Variants in NUP210 observed in about 807,000 individuals in gnomAD.
NUP210 encodes the protein nucleoporin 210.
A neutral mutation model predicts 196.0 loss-of-function variants in NUP210; 151 were observed. The ratio of observed to expected loss-of-function variants is 0.77; its 90% CI spans 0.67 to 0.88. NUP210 has a LOEUF of 0.88. NUP210 is among the 40% of genes least tolerant of loss of function. NUP210 has a pLI of 0.00. For missense variants in NUP210, 2,314 were observed against 2,493.7 expected, an observed-to-expected ratio of 0.93 and a Z score of 1.53; for synonymous variants, 1,070 against 1,052.7, an observed-to-expected ratio of 1.02 and a Z score of -0.32.
intron 14 of NUP210, among the ~76,000 whole-genome samples, chr3:13,361,773 G>A (rs546910869): frequency 3.3e-5 from 5 of 152,200 alleles, no homozygotes; most frequent in Admixed American, 6.5e-5. Flanking sequence ...ACGCACCCAC[G>A]GCCCTTGGAA....
At chr3:13,378,531 C>A (rs1215695196) in intron 8 of NUP210, among the ~76,000 whole-genome samples, 1 of 152,232 alleles carries the variant, frequency 6.6e-6, no homozygotes, top group Admixed American at 6.5e-5. Context: ...TGCTAAGGTA[C>A]CTGCCTACTG....
At chr3:13,346,375 C>T (rs1468781415) in intron 20 of NUP210, among the ~76,000 whole-genome samples, 7 of 152,234 alleles carry the variant, frequency 4.6e-5, no homozygotes, top group Non-Finnish European at 7.3e-5. Flanking sequence ...CTGGACACAC[C>T]TGCTTCCTGA....
intron 1 of NUP210, among the ~76,000 whole-genome samples, chr3:13,402,324 G>C (rs148112272): frequency 5.3e-5 from 8 of 152,072 alleles, no homozygotes; most frequent in Non-Finnish European, 1.0e-4. Flanking sequence ...TGTATCATTC[G>C]ATGGCCCCTG....
At chr3:13,397,602 C>T (rs1415969288) in intron 2 of NUP210, 114 bp from the exon 3 acceptor site, 5 of 1,156,614 alleles carry the variant, frequency 4.3e-6, no homozygotes, top group Non-Finnish European at 5.8e-6. Context: ...CCAGCTTCAC[C>T]CTCAGAAGCC....
Position 13,377,543 on chromosome 3 carries a change from A to T in NUP210, c.1065T>A (p.Gly355=), listed in dbSNP as rs1480181956. 1.2e-6 allele frequency: 2 copies of T among 1,613,512 alleles called. No individual in the cohort carries two copies. Among genetic ancestry groups the T allele is most frequent in the Admixed American group, 3.3e-5 (2 of 59,982 alleles). The stretch of plus-strand genomic sequence containing the variant: ...GGCCGGTCTCCAGCACCCACCTGTC[A>T]CCAGGGTGAACAGTGAACCCTAAAA... The part of the protein sequence containing the change: ...PGYLGFTVHP[G]DRWVLETGRL... Residue 355 remains glycine, a synonymous_variant, in exon 9 of 40, where the codon GGT becomes GGA. Coordinates refer to ENST00000254508, the MANE Select transcript of NUP210 (RefSeq NM_024923.4).
intron 15 of NUP210, 146 bp downstream of exon 15, chr3:13,360,124 G>T: frequency 1.5e-6 from 1 of 687,322 alleles, no homozygotes; most frequent in Non-Finnish European, 2.4e-6. Flanking sequence ...ACCTCACCAC[G>T]CCTCAGTTTG....
Position 13,340,141 on chromosome 3 carries a change from C to G in NUP210, c.3291+95G>C. 6.2e-7 allele frequency: 1 copy of G among 1,602,356 alleles called. No homozygotes were observed. The highest frequency in any genetic ancestry group is 8.5e-7 in the Non-Finnish European group (1 of 1,172,010). On this transcript the variant is annotated intron_variant, in intron 24 of 39. Coordinates refer to ENST00000254508, the MANE Select transcript of NUP210 (RefSeq NM_024923.4). The surrounding 1 kb of genome is among the most constrained non-coding windows in gnomAD (Gnocchi z 4.0). Reference sequence around the variant, plus strand: ...GTGCAGGCAGCTTCTGCCTTCTTCTCCCAGTCACTGCACGCAGGGCCAGAG... The same window carrying G: ...GTGCAGGCAGCTTCTGCCTTCTTCTGCCAGTCACTGCACGCAGGGCCAGAG...
chr3:13,319,966 G>T lies in NUP210; in HGVS notation c.5180C>A (p.Ser1727Tyr). 6.2e-6 allele frequency: 10 copies of T among 1,613,778 alleles called. No homozygotes were observed. The highest frequency in any genetic ancestry group is 7.6e-6 in the Non-Finnish European group (9 of 1,180,024). Reference sequence around the variant, plus strand: ...CTTTGCGAATGCCAGCACGGCCGGGGACCCGGATTTCACCTGGAAGAGACA... The same window carrying T: ...CTTTGCGAATGCCAGCACGGCCGGGTACCCGGATTTCACCTGGAAGAGACA... Reference protein sequence around the residue: ...VLENLEVKSGSPAVLAFAKEK... With the variant: ...VLENLEVKSGYPAVLAFAKEK... Residue 1727 changes from serine to tyrosine, a missense_variant, in exon 37 of 40, where the codon TCC becomes TAC. Physicochemically the swap from Ser to Tyr is moderately radical, Grantham distance 144. Transcript: ENST00000254508.
At chr3:13,412,730 G>A (rs1481680134) in intron 1 of NUP210, among the ~76,000 whole-genome samples, 6 of 151,352 alleles carry the variant, frequency 4.0e-5, no homozygotes, top group African/African-American at 9.7e-5. Context: ...AAAAAAAAAA[G>A]GGAGGCTGAG....
chr3:13,374,307 C>T (rs754015173), intron 11 of NUP210, among the ~76,000 whole-genome samples: 1 of 152,230 alleles, frequency 6.6e-6, no homozygotes, highest in African/African-American at 2.4e-5. Context: ...CCTACTCCCA[C>T]CAGCTTATCC....
chr3:13,341,348 G>A (rs575569506), intron 23 of NUP210, among the ~76,000 whole-genome samples: 4 of 152,276 alleles, frequency 2.6e-5, no homozygotes, highest in Non-Finnish European at 4.4e-5. Flanking sequence ...CACTGCCCTC[G>A]AAGTGCCTGT....
chr3:13,317,621 T>C lies in NUP210; in HGVS notation c.*60A>G. The C allele has an allele frequency of 8.0e-7, 1 of 1,245,046 alleles. No individual in the cohort carries two copies. Among genetic ancestry groups the C allele is most frequent in the African/African-American group, 1.5e-5 (1 of 67,408 alleles). 77.1% of individuals were successfully genotyped at this position (1,245,046 alleles called of 1,614,324 possible). On this transcript the variant is annotated 3_prime_UTR_variant, in exon 40 of 40. Coordinates refer to ENST00000254508, the MANE Select transcript of NUP210 (RefSeq NM_024923.4). The stretch of plus-strand genomic sequence containing the variant: ...TCCAGTGTGAATGCAGCAGGGATGT[T>C]CCATCTTGGGGGTGCACGAGGCTCG...
intron 14 of NUP210, among the ~76,000 whole-genome samples, 180 bp downstream of exon 14, chr3:13,365,766 G>A (rs1382219263): frequency 1.3e-5 from 2 of 152,254 alleles, no homozygotes; most frequent in Admixed American, 1.3e-4. Context: ...CCCCATCAGG[G>A]AGGCTCTGCT....
Position 13,336,805 on chromosome 3 carries a change from G to A in NUP210, c.3666C>T (p.Leu1222=). The change falls in exon 27 of 40, where the codon CTC becomes CTT. Residue 1222 remains leucine, a synonymous_variant. Coordinates refer to ENST00000254508, the MANE Select transcript of NUP210 (RefSeq NM_024923.4). Reference sequence around the variant, plus strand: ...TACCTACCTCGTGGTGCCGCCCTCGGAGGTCCAGGACGTCCCGCTTGGTGA... The same window carrying A: ...TACCTACCTCGTGGTGCCGCCCTCGAAGGTCCAGGACGTCCCGCTTGGTGA... ...WSVTKRDVLD[L]RGRHHEASIR... is the part of the protein sequence containing the mutation. 2 of 1,613,584 alleles carry A rather than the reference G, an allele frequency of 1.2e-6. No individual in the cohort carries two copies. The highest frequency in any genetic ancestry group is 1.7e-6 in the Non-Finnish European group (2 of 1,179,744).
At chr3:13,380,137 G>T (rs17038115) in intron 6 of NUP210, among the ~76,000 whole-genome samples, 5,165 of 152,216 alleles carry the variant, frequency 0.034, 123 homozygotes, top group Middle Eastern at 0.075. Context: ...CTCCCATGGG[G>T]TCTATAATTG....
At chr3:13,419,930 C>T (rs6782979) in intron 1 of NUP210, 130 bp downstream of exon 1, 74,218 of 454,858 alleles carry the variant, frequency 0.16, 9,226 homozygotes, top group African/African-American at 0.49. Context: ...CCGAGTGCTG[C>T]AGCCTAGCGC....
Position 13,360,135 on chromosome 3 carries a change from C to A in NUP210, c.2154+135G>T. 1.2e-5 allele frequency: 9 copies of A among 757,902 alleles called. No individual in the cohort carries two copies. The South Asian group carries it at 1.6e-4, about 14-fold the overall frequency. 46.9% of individuals were successfully genotyped at this position (757,902 alleles called of 1,614,324 possible). A position where few individuals can be genotyped will look rare whatever the true frequency, so the allele number is the denominator to read the frequency against. ...TTCCACCTCACCACGCCTCAGTTTG[C>A]CTGTCTGTAAAATGGGTACAATAGG... On this transcript the variant is annotated intron_variant, in intron 15 of 39. Coordinates refer to ENST00000254508, the MANE Select transcript of NUP210 (RefSeq NM_024923.4).
At chr3:13,334,067 T>C (rs1025292215) in intron 28 of NUP210, among the ~76,000 whole-genome samples, 2 of 152,204 alleles carry the variant, frequency 1.3e-5, no homozygotes, top group African/African-American at 4.8e-5. Flanking sequence ...ACATGCTGCA[T>C]CTTAGATTTT....
At chr3:13,356,917 C>T (rs150970252) in intron 16 of NUP210, among the ~76,000 whole-genome samples, 1 of 152,214 alleles carries the variant, frequency 6.6e-6, no homozygotes, top group African/African-American at 2.4e-5. Context: ...CCAAGGTGGC[C>T]CGCTCAGCTC....
Sources: gnomAD v4.1 joint callset for allele counts (sites outside exome capture counted in the v4.1 genomes callset) on GRCh38, gnomAD v4.1.1 for gene constraint, Gnocchi (gnomAD v3.1) non-coding constraint, MANE v1.5 for transcripts, NCBI Gene and HGNC (gene_info 2026-07-23, HGNC 2026-07-21) for gene names.